NAV2: variants seen among roughly 807,000 people sequenced by gnomAD.
NAV2 encodes the protein helicase, APC down-regulated 1.
A neutral mutation model predicts 223.2 loss-of-function variants in NAV2; 54 were observed. The ratio of observed to expected loss-of-function variants is 0.24; its 90% CI spans 0.19 to 0.30. NAV2 has a LOEUF of 0.30. Among genes scored for constraint, NAV2 ranks in the 10% least tolerant of loss-of-function variants. The pLI is 1.00. For synonymous variants in NAV2, 1,279 were observed against 1,239.3 expected, an observed-to-expected ratio of 1.03 and a Z score of -0.67; for missense variants, 2,806 against 3,147.5, an observed-to-expected ratio of 0.89 and a Z score of 2.60.
intron 1 of NAV2, among the ~76,000 whole-genome samples, chr11:19,652,330 G>T (rs1211446114): frequency 6.6e-6 from 1 of 152,078 alleles, no homozygotes; most frequent in African/African-American, 2.4e-5. Flanking sequence ...GTTCTTGTGG[G>T]GTCCTGGGTC....
rs192026647 is a variant in NAV2 at position 19,747,995 on chromosome 11, A to G, written c.267+34033A>G. Among the ~76,000 whole-genome samples the G allele has an allele frequency of 2.6e-5, 4 of 152,280 alleles. No individual in the cohort carries two copies. The East Asian group carries it at 7.7e-4, about 29-fold the overall frequency. On this transcript the variant is annotated intron_variant, in intron 1 of 37. Transcript: ENST00000349880. ...TTGCAGCCCAGGAAACCCTGAGCAC[A>G]TGGGCAGTTGAGCATGGCATTAGTG...
intron 2 of NAV2, among the ~76,000 whole-genome samples, chr11:19,833,522 G>A (rs2060063492): frequency 6.6e-6 from 1 of 152,210 alleles, no homozygotes; most frequent in Non-Finnish European, 1.5e-5. Context: ...GTTGTCTTGT[G>A]ATTGATTTCT....
At chr11:20,043,854 A>T in intron 12 of NAV2, 127 bp from the exon 13 acceptor site, 1 of 832,434 alleles carries the variant, frequency 1.2e-6, no homozygotes, top group Non-Finnish European at 1.9e-6. Context: ...CAAAAGTCCA[A>T]ACATCTTTAA....
At position 19,933,335 on chromosome 11, in the gene NAV2, G is replaced by C. The variant is rs747447107; in HGVS notation, c.1091G>C (p.Ser364Thr). 6.2e-7 allele frequency: 1 copy of C among 1,612,190 alleles called. No homozygotes were observed. The highest frequency in any genetic ancestry group is 1.1e-5 in the South Asian group (1 of 90,698). Reference protein sequence around the residue: ...ATKPWRSKSLSVKHSATVSML... With the variant: ...ATKPWRSKSLTVKHSATVSML... Reference sequence around the variant, plus strand: ...AAGCCTTGGCGCAGCAAATCCCTCAGCGTGAAGCACAGTGCCACGGTATCC... The same window carrying C: ...AAGCCTTGGCGCAGCAAATCCCTCACCGTGAAGCACAGTGCCACGGTATCC... The change falls in exon 7 of 38, where the codon AGC becomes ACC. Residue 364 changes from serine to threonine, a missense_variant. Ser to Thr is a moderately conservative substitution (Grantham distance 58). Transcript: ENST00000349880. This position sits in a 1 kb window ranked among gnomAD's most constrained non-coding sequence, Gnocchi z 4.3.
Position 20,082,740 on chromosome 11 carries a change from G to C in NAV2, c.5326-267G>C, listed in dbSNP as rs180984805. The C allele has an allele frequency of 3.7e-5, 35 of 958,442 alleles. No individual in the cohort carries two copies. The East Asian group carries it at 6.3e-4, about 17-fold the overall frequency. The allele number at this position is 958,442 out of a possible 1,614,324, so 59.4% of individuals were successfully genotyped here. A position where few individuals can be genotyped will look rare whatever the true frequency, so the allele number is the denominator to read the frequency against. ...CATCTTCCCAACATCCATCTGCTGAGCCAGACTCTGTGTTGCTGTTGGCAT... is the reference window on the plus strand; with the variant it reads ...CATCTTCCCAACATCCATCTGCTGACCCAGACTCTGTGTTGCTGTTGGCAT... On this transcript the variant is annotated intron_variant, in intron 25 of 37. Transcript: ENST00000349880.
chr11:20,108,401 G>A (rs1156633677), intron 36 of NAV2, among the ~76,000 whole-genome samples: 4 of 152,076 alleles, frequency 2.6e-5, no homozygotes, highest in Non-Finnish European at 5.9e-5. Flanking sequence ...GGGCCCATAA[G>A]GCTGCCAGTT....
intron 6 of NAV2, among the ~76,000 whole-genome samples, chr11:19,892,824 G>A (rs1172612785): frequency 6.6e-6 from 1 of 152,172 alleles, no homozygotes; most frequent in Admixed American, 6.5e-5. Context: ...TTGTTTGGGT[G>A]GGGCCCCATA....
chr11:19,758,759 G>T (rs918482706), intron 1 of NAV2, among the ~76,000 whole-genome samples: 3 of 152,196 alleles, frequency 2.0e-5, no homozygotes, highest in Non-Finnish European at 4.4e-5. Flanking sequence ...GCCAGCTCGG[G>T]CTGGTTGTGG....
intron 3 of NAV2, among the ~76,000 whole-genome samples, chr11:19,863,880 G>A (rs1358445265): frequency 1.3e-5 from 2 of 152,212 alleles, no homozygotes; most frequent in Non-Finnish European, 2.9e-5. Context: ...CACCCAGTAG[G>A]TGCTGAGTAA....
At chr11:19,801,842 T>G (rs1269154989) in intron 1 of NAV2, among the ~76,000 whole-genome samples, 1 of 152,194 alleles carries the variant, frequency 6.6e-6, no homozygotes, top group East Asian at 1.9e-4. Flanking sequence ...CTCCCAGGGT[T>G]GTTGTGAGGA....
intron 1 of NAV2, among the ~76,000 whole-genome samples, chr11:19,607,354 C>T (rs937386496): frequency 6.6e-6 from 1 of 152,320 alleles, no homozygotes; most frequent in East Asian, 1.9e-4. Context: ...CTCTGCTAGG[C>T]CTGGGGACCA....
At chr11:19,703,144 A>G (rs760700840) in intron 1 of NAV2, among the ~76,000 whole-genome samples, 7 of 93,222 alleles carry the variant, frequency 7.5e-5, no homozygotes, top group Admixed American at 2.5e-4. Context: ...TATTTTTTTA[A>G]ATTACAAAAT....
At chr11:19,477,879 G>A (rs2042165440) in intron 1 of NAV2, among the ~76,000 whole-genome samples, 1 of 152,098 alleles carries the variant, frequency 6.6e-6, no homozygotes, top group Admixed American at 6.5e-5. Context: ...AGTTTGAGCA[G>A]GAATTAAATT....
At chr11:19,907,098 G>T (rs762152242) in intron 6 of NAV2, among the ~76,000 whole-genome samples, 6 of 96,102 alleles carry the variant, frequency 6.2e-5, no homozygotes, top group Non-Finnish European at 8.7e-5. Flanking sequence ...TTATTGTACG[G>T]TTTCCGTGAG....
chr11:19,381,573 C>A (rs561559091), intron 1 of NAV2, among the ~76,000 whole-genome samples: 1 of 152,236 alleles, frequency 6.6e-6, no homozygotes, highest in African/African-American at 2.4e-5. Context: ...GGCCACCAAG[C>A]TTGCTGCCCA....
intron 26 of NAV2, among the ~76,000 whole-genome samples, chr11:20,084,430 A>G (rs889941961): frequency 6.6e-6 from 1 of 152,184 alleles, no homozygotes; most frequent in East Asian, 1.9e-4. Context: ...CTCACCCACT[A>G]TTGAAACATG....
chr11:19,694,360 C>T (rs1368942140), intron 1 of NAV2, among the ~76,000 whole-genome samples: 4 of 152,202 alleles, frequency 2.6e-5, no homozygotes, highest in African/African-American at 9.6e-5. Flanking sequence ...CAGCTCTCTG[C>T]ATGCATAGGT....
chr11:19,590,024 C>T (rs1255128437), intron 1 of NAV2, among the ~76,000 whole-genome samples: 1 of 152,076 alleles, frequency 6.6e-6, no homozygotes, highest in Non-Finnish European at 1.5e-5. Context: ...ATTGTGTAGG[C>T]TCAGGAACCA....
intron 1 of NAV2, among the ~76,000 whole-genome samples, chr11:19,580,481 C>G (rs898419041): frequency 2.0e-5 from 3 of 152,078 alleles, no homozygotes; most frequent in Non-Finnish European, 2.9e-5. Flanking sequence ...TGTGCTTGCT[C>G]AGGTCTCTCT....
Sources: allele counts gnomAD v4.1 joint callset (sites outside exome capture counted in the v4.1 genomes callset), GRCh38; gene constraint gnomAD v4.1.1; non-coding constraint Gnocchi (gnomAD v3.1); transcripts MANE v1.5; gene names NCBI Gene and HGNC (gene_info 2026-07-23, HGNC 2026-07-21).